The following MGAT5B variants were observed in gnomAD, a reference collection of about 807,000 sequenced individuals.
MGAT5B encodes the protein alpha-1,6-mannosylglycoprotein 6-beta-N-acetylglucosaminyltransferase B.
A neutral mutation model predicts 95.1 loss-of-function variants in MGAT5B; 54 were observed. The ratio of observed to expected loss-of-function variants is 0.57; its 90% CI spans 0.46 to 0.71. The LOEUF (loss-of-function observed/expected upper bound fraction) is 0.71, where lower values mean the gene tolerates loss of function less well. MGAT5B is among the 30% of genes least tolerant of loss of function. The pLI, the probability that MGAT5B is intolerant of heterozygous loss-of-function variation, is 0.00. For missense variants in MGAT5B, 935 were observed against 1,088.6 expected, an observed-to-expected ratio of 0.86 and a Z score of 1.99; for synonymous variants, 464 against 451.0, an observed-to-expected ratio of 1.03 and a Z score of -0.36.
intron 9 of MGAT5B, among the ~76,000 whole-genome samples, chr17:76,925,469 A>T (rs8069824): frequency 1 from 149,151 of 149,154 alleles, 74,574 homozygotes; most frequent in Middle Eastern, 1. Context: ...TGGGGAGAGC[A>T]GCTCAGCACA....
intron 11 of MGAT5B, 109 bp downstream of exon 11, chr17:76,932,884 C>A: frequency 6.9e-7 from 1 of 1,457,068 alleles, no homozygotes; most frequent in Non-Finnish European, 9.1e-7. Flanking sequence ...CCGCCCCAGC[C>A]CTGCATGCTG....
chr17:76,876,877 C>A (rs1006306522), intron 2 of MGAT5B, among the ~76,000 whole-genome samples: 5 of 152,212 alleles, frequency 3.3e-5, no homozygotes, highest in Non-Finnish European at 7.3e-5. Context: ...GGCTTTCCGG[C>A]ATTGCCCCCT....
chr17:76,912,876 T>C lies in MGAT5B; in HGVS notation c.1025+6689T>C, dbSNP rs891944406. Among the ~76,000 whole-genome samples, 3 of 152,220 alleles carry C rather than the reference T, an allele frequency of 2.0e-5. No individual in the cohort carries two copies. In the East Asian group the frequency reaches 5.8e-4, roughly 29 times the overall value. Reference sequence around the variant, plus strand: ...CTGCATCCTGAGACGGCCTCGTGCATGTGCAGGTCCAGGGTGGGCGTTTTA... The same window carrying C: ...CTGCATCCTGAGACGGCCTCGTGCACGTGCAGGTCCAGGGTGGGCGTTTTA... On this transcript the variant is annotated intron_variant, in intron 8 of 17. Transcript: ENST00000569840. This position sits in a 1 kb window ranked among gnomAD's most constrained non-coding sequence, Gnocchi z 5.0.
chr17:76,947,809 A>T, intron 16 of MGAT5B, 21 bp from the exon 17 acceptor site: 1 of 1,527,166 alleles, frequency 6.5e-7, no homozygotes, highest in Non-Finnish European at 8.8e-7. Context: ...CCCCACCCTG[A>T]CACTGCTCTC....
chr17:76,885,116 G>A lies in MGAT5B; in HGVS notation c.329+2818G>A, dbSNP rs376136135. On this transcript the variant is annotated intron_variant, in intron 3 of 17. Transcript: ENST00000569840. ...AAACAGGGTGGCAGGAGGGGAAGCA[G>A]TGAGGCCGTGGTGGAGATGGGGAGT... Among the ~76,000 whole-genome samples, 25 of 152,330 alleles carry A rather than the reference G, an allele frequency of 1.6e-4. 1 individual carries two copies. The highest frequency in any genetic ancestry group is 6.0e-4 in the African/African-American group (25 of 41,574).
At chr17:76,871,701 G>A (rs1967018503) in intron 1 of MGAT5B, among the ~76,000 whole-genome samples, 1 of 152,178 alleles carries the variant, frequency 6.6e-6, no homozygotes, top group Admixed American at 6.5e-5. Context: ...AAGGCCCGGA[G>A]GTCTCTGGCA....
rs767452537 is a variant in MGAT5B at position 76,924,929 on chromosome 17, T to C, written c.1026-37T>C. ...GGGGTGGCCGGTTGGGCAGGTGGGT[T>C]TCTTGGGGCCCAGAATCTGAAGGGC... On this transcript the variant is annotated intron_variant, in intron 8 of 17. Transcript: ENST00000569840. The C allele has an allele frequency of 8.7e-6, 14 of 1,610,240 alleles. No individual in the cohort carries two copies. The Admixed American group carries it at 2.2e-4, about 25-fold the overall frequency.
chr17:76,896,118 C>G (rs1036986), intron 3 of MGAT5B, among the ~76,000 whole-genome samples: 2 of 152,220 alleles, frequency 1.3e-5, no homozygotes, highest in African/African-American at 4.8e-5. Context: ...ACCATCCCCC[C>G]AGTCCAGCCC....
At chr17:76,883,725 C>T (rs115131098) in intron 3 of MGAT5B, among the ~76,000 whole-genome samples, 260 of 152,342 alleles carry the variant, frequency 1.7e-3, no homozygotes, top group African/African-American at 5.8e-3. Flanking sequence ...AAGCTTGAAA[C>T]GCACTTTTAG....
chr17:76,888,496 C>A (rs1327764103), intron 3 of MGAT5B, among the ~76,000 whole-genome samples: 1 of 152,156 alleles, frequency 6.6e-6, no homozygotes, highest in Non-Finnish European at 1.5e-5. Context: ...AGTTTCATAA[C>A]AAAATAACAG....
At chr17:76,943,487 C>T (rs1969930867) in intron 15 of MGAT5B, among the ~76,000 whole-genome samples, 1 of 152,150 alleles carries the variant, frequency 6.6e-6, no homozygotes, top group African/African-American at 2.4e-5. Flanking sequence ...CTATCCCGCA[C>T]CTTCCCATTT....
At position 76,905,178 on chromosome 17, in the gene MGAT5B, C is replaced by G; in HGVS notation, c.700C>G (p.Arg234Gly). Residue 234 changes from arginine (R) to glycine (G), a missense_variant, in exon 7 of 18, where the codon CGA (arginine) becomes GGA (glycine). By Grantham distance (125) the Arg-to-Gly change is moderately radical. Transcript: ENST00000569840. This position sits in a 1 kb window ranked among gnomAD's most constrained non-coding sequence, Gnocchi z 4.2. The stretch of plus-strand genomic sequence containing the variant: ...GTCTGGACCCCTCCAGGCAGTTTTC[C>G]GAAGCAACCTGTCCCACCTTCTGGA... ...KPLPKVQAVFRSNLSHLLDLM... is the reference protein window; with the variant it reads ...KPLPKVQAVFGSNLSHLLDLM... 1 of 1,609,976 alleles carries G rather than the reference C, an allele frequency of 6.2e-7. No individual in the cohort carries two copies. The highest frequency in any genetic ancestry group is 8.5e-7 in the Non-Finnish European group (1 of 1,177,040).
chr17:76,942,462 G>A (rs973389545), intron 15 of MGAT5B, among the ~76,000 whole-genome samples: 4 of 152,096 alleles, frequency 2.6e-5, no homozygotes, highest in Admixed American at 6.5e-5. Context: ...GGGAGGTGGA[G>A]GTTACAGTGA....
intron 3 of MGAT5B, among the ~76,000 whole-genome samples, chr17:76,885,114 C>G (rs931290567): frequency 6.6e-6 from 1 of 152,138 alleles, no homozygotes; most frequent in Non-Finnish European, 1.5e-5. Flanking sequence ...GGAGGGGAAG[C>G]AGTGAGGCCG....
intron 1 of MGAT5B, among the ~76,000 whole-genome samples, chr17:76,871,242 A>G (rs1966999634): frequency 6.6e-6 from 1 of 152,172 alleles, no homozygotes; most frequent in Non-Finnish European, 1.5e-5. Flanking sequence ...CTCCTGTGCC[A>G]TGGCCGTGGC....
Position 76,930,554 on chromosome 17 carries a change from C to T in MGAT5B, c.1292-2091C>T, listed in dbSNP as rs907547350. ...AAACGGTTTATTCGGGATCCCAGTGCGCAGAAGGCAGGGCTCGTGTGCCTG... is the reference window on the plus strand; with the variant it reads ...AAACGGTTTATTCGGGATCCCAGTGTGCAGAAGGCAGGGCTCGTGTGCCTG... On this transcript the variant is annotated intron_variant, in intron 10 of 17. Coordinates refer to ENST00000569840, the MANE Select transcript of MGAT5B (RefSeq NM_001199172.2). This position sits in a 1 kb window ranked among gnomAD's most constrained non-coding sequence, Gnocchi z 4.1. 6.6e-6 allele frequency among the ~76,000 whole-genome samples: 1 copy of T among 152,090 alleles called. No homozygotes were observed. Among genetic ancestry groups the T allele is most frequent in the African/African-American group, 2.4e-5 (1 of 41,394 alleles).
rs769990322 is a variant in MGAT5B at position 76,948,021 on chromosome 17, G to C, written c.2115G>C (p.Leu705=). 3 of 1,613,108 alleles carry C rather than the reference G, an allele frequency of 1.9e-6. No homozygotes were observed. In the African/African-American group the frequency reaches 4.0e-5, roughly 22 times the overall value. ...VPGRACTDTC[L]DHGLICEPSF... ...GGAGGGCCTGCACCGACACCTGCCT[G>C]GACCACGGGCTAATCTGTGAGCCCT... The change falls in exon 17 of 18, where the codon CTG becomes CTC. Residue 705 remains leucine, a synonymous_variant. Transcript: ENST00000569840.
At chr17:76,872,259 G>C (rs1050163525) in intron 1 of MGAT5B, among the ~76,000 whole-genome samples, 7 of 152,140 alleles carry the variant, frequency 4.6e-5, no homozygotes, top group Non-Finnish European at 8.8e-5. Context: ...GGAAGTGGAG[G>C]GGGGTGTTCA....
chr17:76,894,416 A>G (rs1330279550), intron 3 of MGAT5B, among the ~76,000 whole-genome samples: 1 of 152,260 alleles, frequency 6.6e-6, no homozygotes, highest in African/African-American at 2.4e-5. Context: ...GAGTATAGAA[A>G]GAGCTTGGCA....
Sources: gnomAD v4.1 joint callset for allele counts (sites outside exome capture counted in the v4.1 genomes callset) on GRCh38, gnomAD v4.1.1 for gene constraint, Gnocchi (gnomAD v3.1) non-coding constraint, MANE v1.5 for transcripts, NCBI Gene and HGNC (gene_info 2026-07-23, HGNC 2026-07-21) for gene names.